TAF6: variants seen among roughly 807,000 people sequenced by gnomAD.
TAF6 encodes the protein transcription initiation factor TFIID subunit 6.
A neutral mutation model predicts 73.5 loss-of-function variants in TAF6; 50 were observed. The ratio of observed to expected loss-of-function variants is 0.68; its 90% confidence interval spans 0.54 to 0.86. The LOEUF (loss-of-function observed/expected upper bound fraction) is 0.86, where lower values mean the gene tolerates loss of function less well. Ranked by LOEUF, TAF6 falls within the 40% of genes least tolerant of loss-of-function variation. TAF6 has a pLI of 0.00. For synonymous variants in TAF6, 424 were observed against 376.7 expected, an observed-to-expected ratio of 1.13 and a Z score of -1.45; for missense variants, 768 against 899.5, an observed-to-expected ratio of 0.85 and a Z score of 1.87.
intron 1 of TAF6, among the ~76,000 whole-genome samples, chr7:100,114,756 T>C (rs1312297812): frequency 6.7e-6 from 1 of 149,958 alleles, no homozygotes; most frequent in Non-Finnish European, 1.5e-5. Context: ...GGCTCATGCC[T>C]GTAATTCCAA....
upstream of TAF6, among the ~76,000 whole-genome samples, chr7:100,123,887 T>C (rs956489806): frequency 2.0e-5 from 3 of 152,174 alleles, no homozygotes; most frequent in Non-Finnish European, 1.5e-5. Flanking sequence ...TCCCAGCACT[T>C]TGGGAGGGCG....
At chr7:100,109,673 T>C (rs1412369759) in intron 12 of TAF6, among the ~76,000 whole-genome samples, 7 of 151,696 alleles carry the variant, frequency 4.6e-5, no homozygotes, top group African/African-American at 7.3e-5. Context: ...TGGTTTTTTT[T>C]TTTGCAGGTG....
rs536273850 is a variant in TAF6, at chr7:100,108,391, G to A, written c.1434C>T (p.Asn478=). Residue 478 remains asparagine, a synonymous_variant, in exon 13 of 15, where the codon AAC becomes AAT. Transcript: ENST00000453269. ...CCTGCGTGATGGTCAGAGTGGTCCT[G>A]TTGACCTGCTGAGCCTGCAGAGCAG... ...AQAALQAQQV[N]RTTLTITQPR... 1.9e-6 allele frequency: 3 copies of A among 1,611,682 alleles called. No individual in the cohort carries two copies. Among genetic ancestry groups the A allele is most frequent in the Non-Finnish European group, 2.5e-6 (3 of 1,178,308 alleles).
At chr7:100,110,117 G>C in intron 11 of TAF6, 44 bp from the exon 12 acceptor site, 1 of 1,613,968 alleles carries the variant, frequency 6.2e-7, no homozygotes, top group African/African-American at 1.3e-5. Context: ...AGGGTCACCA[G>C]GGTCTCCCAG....
At position 100,108,354 on chromosome 7, in the gene TAF6, C is replaced by T; in HGVS notation, c.1458+13G>A. ...TGCTTCCTCCTATTCCTCCTCCCCACCCGGCCACGGACCTGCGTGATGGTC... is the reference window on the plus strand; with the variant it reads ...TGCTTCCTCCTATTCCTCCTCCCCATCCGGCCACGGACCTGCGTGATGGTC... On this transcript the variant is annotated intron_variant, in intron 13 of 14. Coordinates refer to ENST00000453269, the MANE Select transcript of TAF6 (RefSeq NM_139315.3). The T allele has an allele frequency of 6.3e-7, 1 of 1,590,122 alleles. No homozygotes were observed. Among genetic ancestry groups the T allele is most frequent in the Non-Finnish European group, 8.6e-7 (1 of 1,164,806 alleles).
intron 1 of TAF6, chr7:100,118,466 G>T (rs1206472040): frequency 6.6e-6 from 1 of 151,972 alleles, no homozygotes; most frequent in Non-Finnish European, 1.5e-5. Context: ...GAGACAGCCT[G>T]GTCAACATAG....
upstream of TAF6, chr7:100,119,698 C>T (rs1453356640): frequency 1.9e-6 from 3 of 1,613,940 alleles, no homozygotes; most frequent in East Asian, 4.5e-5. Context: ...ACACTACCTT[C>T]CCGAAGTTGA....
At chr7:100,109,874 T>C (rs1271178158) in intron 12 of TAF6, 74 bp downstream of exon 12, 4 of 1,579,312 alleles carry the variant, frequency 2.5e-6, no homozygotes, top group Admixed American at 1.8e-5. Flanking sequence ...AGTAAGTGAA[T>C]AAAATATGCC....
upstream of TAF6, chr7:100,119,921 C>A: frequency 2.0e-6 from 3 of 1,482,218 alleles, no homozygotes; most frequent in South Asian, 1.3e-5. Context: ...TCTTCTAGGC[C>A]GGACATCCTA....
upstream of TAF6, among the ~76,000 whole-genome samples, chr7:100,120,582 G>A (rs1798006504): frequency 1.3e-5 from 2 of 152,106 alleles, no homozygotes; most frequent in Admixed American, 6.5e-5. Flanking sequence ...ATCATGAAAG[G>A]CAGTCATGAC....
Position 100,112,119 on chromosome 7 carries a change from C to A in TAF6, c.709G>T (p.Ala237Ser). The A allele has an allele frequency of 6.2e-7, 1 of 1,613,748 alleles. No homozygotes were observed. The highest frequency in any genetic ancestry group is 8.5e-7 in the Non-Finnish European group (1 of 1,179,794). Residue 237 changes from alanine (A) to serine (S), a missense_variant, in exon 7 of 15, where the codon GCC (alanine) becomes TCC (serine). Ala to Ser is a moderately conservative substitution (Grantham distance 99, BLOSUM62 1). Around this residue, in one of 5 missense-constraint regions of TAF6, gnomAD observed 78 missense variants for 153.4 expected, o/e 0.51. Transcript: ENST00000453269. ...GGTGGGGCCCTCACCGCCCTCTTGG[C>A]CTCGCAGGAGCCCACGCAGGCCTCG... ...ITEACVGSCE[A>S]KRAEALQSIA... is the part of the protein sequence containing the mutation.
intron 1 of TAF6, 27 bp from the exon 2 acceptor site, chr7:100,114,295 G>A: frequency 6.2e-7 from 1 of 1,606,056 alleles, no homozygotes; most frequent in Non-Finnish European, 8.5e-7. Context: ...GCAGGCAGAA[G>A]AAAAAGAAAC....
intron 10 of TAF6, among the ~76,000 whole-genome samples, chr7:100,110,540 A>G (rs1187767868): frequency 1.3e-5 from 2 of 148,268 alleles, no homozygotes; most frequent in African/African-American, 2.5e-5. Context: ...GGCCAGGTGC[A>G]GTGGCTCATA....
At chr7:100,122,871 G>A (rs1798111886), upstream of TAF6, 1 of 1,613,814 alleles carries the variant, frequency 6.2e-7, no homozygotes, top group Non-Finnish European at 8.5e-7. Flanking sequence ...GCTTTGGGAT[G>A]AGCCCAGCGT....
intron 10 of TAF6, 98 bp downstream of exon 10, chr7:100,111,041 A>C: frequency 7.1e-7 from 1 of 1,414,848 alleles, no homozygotes; most frequent in South Asian, 1.3e-5. Context: ...CACAAGTTCC[A>C]GTCCCTCTTC....
At chr7:100,119,871 A>T, upstream of TAF6, 2 of 1,610,642 alleles carry the variant, frequency 1.2e-6, no homozygotes. Context: ...AGGTATTTGA[A>T]GGGGGTAGCC....
intron 1 of TAF6, chr7:100,118,858 A>T (rs1216651195): frequency 6.1e-6 from 6 of 985,158 alleles, no homozygotes; most frequent in South Asian, 4.7e-5. Context: ...ATCTATAGGG[A>T]ACACAACTAT....
chr7:100,119,167 C>T, intron 1 of TAF6, 37 bp downstream of exon 1: 2 of 987,662 alleles, frequency 2.0e-6, no homozygotes, highest in East Asian at 1.1e-4. Flanking sequence ...TGCAGGCACA[C>T]ACACGGGGTC....
chr7:100,116,089 G>A (rs915388525), intron 1 of TAF6, among the ~76,000 whole-genome samples: 1 of 152,156 alleles, frequency 6.6e-6, no homozygotes, highest in African/African-American at 2.4e-5. Context: ...GTCAACCGGA[G>A]TCTACCCTTG....
Sources: gnomAD v4.1 joint callset for allele counts (sites outside exome capture counted in the v4.1 genomes callset) on GRCh38, gnomAD v4.1.1 for gene constraint, gnomAD v4.1.1 regional missense constraint, MANE v1.5 for transcripts, NCBI Gene and HGNC (gene_info 2026-07-23, HGNC 2026-07-21) for gene names.